Variants in SDCCAG8 observed in about 807,000 individuals in gnomAD.
SDCCAG8 encodes serologically defined colon cancer antigen 8.
A neutral mutation model predicts 101.8 loss-of-function variants in SDCCAG8; 74 were observed. That is an observed-to-expected ratio of 0.73 (90% CI 0.60 to 0.88). SDCCAG8 has a LOEUF of 0.88. Ranked by LOEUF, SDCCAG8 falls within the 40% of genes least tolerant of loss-of-function variation. The probability of loss-of-function intolerance (pLI) is 0.00; values close to 1 mark genes in which losing one functional copy is unlikely to be tolerated. For missense variants in SDCCAG8, 787 were observed against 822.6 expected (o/e 0.96, Z 0.53); for synonymous variants, 281 against 292.9 (o/e 0.96, Z 0.41).
intron 4 of SDCCAG8, among the ~76,000 whole-genome samples, chr1:243,281,770 G>C (rs2069076271): frequency 6.7e-6 from 1 of 150,152 alleles, no homozygotes; most frequent in Non-Finnish European, 1.5e-5. Flanking sequence ...CCTCCCTGCT[G>C]AGTAGCTAGG....
Position 243,474,581 on chromosome 1 carries a change from G to A in SDCCAG8, c.1986-14433G>A, listed in dbSNP as rs1322130867. On this transcript the variant is annotated intron_variant, in intron 16 of 17. Coordinates refer to ENST00000366541, the MANE Select transcript of SDCCAG8 (RefSeq NM_006642.5). The surrounding 1 kb of genome is among the most constrained non-coding windows in gnomAD (Gnocchi z 4.7). ...CGCCTAGGCCACCCTGCCCGGCGAG[G>A]GAGAGGGGTGTCTCCTGCCTGGAGC... 2.0e-5 allele frequency among the ~76,000 whole-genome samples: 3 copies of A among 152,250 alleles called. No homozygotes were observed. In the East Asian group the frequency reaches 5.8e-4, roughly 29 times the overall value.
chr1:243,378,865 T>C lies in SDCCAG8; in HGVS notation c.1616+2T>C, dbSNP rs750445180. On this transcript the variant is annotated splice_donor_variant, in intron 13 of 17. Coordinates refer to ENST00000366541, the MANE Select transcript of SDCCAG8 (RefSeq NM_006642.5). LOFTEE classifies it high-confidence loss of function. ...TGAGCACCAACTGCACCTCACCAGG[T>C]ACTCCCTAATCCCATTATGCGCCAT... is the stretch of plus-strand genomic sequence containing the variant. 1 of 1,614,018 alleles carries C rather than the reference T, an allele frequency of 6.2e-7. No homozygotes were observed.
Position 243,307,878 on chromosome 1 carries a change from C to T in SDCCAG8, c.741-111C>T, listed in dbSNP as rs576819105. On this transcript the variant is annotated intron_variant, in intron 7 of 17. Coordinates refer to ENST00000366541, the MANE Select transcript of SDCCAG8 (RefSeq NM_006642.5). ...ATAAGGTATTGGACGTAAACTAAAGCATAAGGTGAGTACCCATAAACGATA... is the reference window on the plus strand; with the variant it reads ...ATAAGGTATTGGACGTAAACTAAAGTATAAGGTGAGTACCCATAAACGATA... 2.5e-6 allele frequency: 4 copies of T among 1,571,224 alleles called. No homozygotes were observed. The African/African-American group carries it at 4.1e-5, about 16-fold the overall frequency.
At chr1:243,351,966 A>G (rs1029007182) in intron 12 of SDCCAG8, among the ~76,000 whole-genome samples, 1 of 152,238 alleles carries the variant, frequency 6.6e-6, no homozygotes, top group Non-Finnish European at 1.5e-5. Flanking sequence ...GGCATTTAGC[A>G]TTTAGTCACG....
intron 16 of SDCCAG8, among the ~76,000 whole-genome samples, chr1:243,486,622 G>C (rs1458335283): frequency 1.3e-5 from 2 of 152,252 alleles, no homozygotes; most frequent in Non-Finnish European, 2.9e-5. Flanking sequence ...GTGGCCGGCC[G>C]TGACCGGTGT....
chr1:243,374,688 C>G (rs2077491916), intron 12 of SDCCAG8, among the ~76,000 whole-genome samples: 1 of 152,000 alleles, frequency 6.6e-6, no homozygotes, highest in South Asian at 2.1e-4. Flanking sequence ...ATTAAAGCTA[C>G]CTGGAGATTG....
At chr1:243,281,930 A>G (rs148006677) in intron 4 of SDCCAG8, among the ~76,000 whole-genome samples, 2,291 of 152,162 alleles carry the variant, frequency 0.015, 33 homozygotes, top group African/African-American at 0.041. Flanking sequence ...ACGAGGTGTG[A>G]GCCACTGCAC....
intron 4 of SDCCAG8, among the ~76,000 whole-genome samples, chr1:243,280,740 G>A (rs964835885): frequency 1.3e-5 from 2 of 152,070 alleles, no homozygotes; most frequent in African/African-American, 2.4e-5. Context: ...CCCAGCTATC[G>A]TTCTGTTATT....
At chr1:243,422,616 G>GT (rs1390376942) in intron 15 of SDCCAG8, among the ~76,000 whole-genome samples, 3 of 152,126 alleles carry the variant, frequency 2.0e-5, no homozygotes, top group Non-Finnish European at 2.9e-5. Context: ...CGGTTGAACT[G>GT]TTTTTTTCCT....
At chr1:243,498,392 A>C (rs1161073863) in intron 17 of SDCCAG8, among the ~76,000 whole-genome samples, 1 of 152,250 alleles carries the variant, frequency 6.6e-6, no homozygotes, top group East Asian at 1.9e-4. Context: ...TGGGCCCAGG[A>C]AATTGTCCAC....
At chr1:243,284,783 G>T (rs1455863128) in intron 4 of SDCCAG8, among the ~76,000 whole-genome samples, 1 of 152,176 alleles carries the variant, frequency 6.6e-6, no homozygotes, top group Admixed American at 6.5e-5. Context: ...CCTTTAGGTT[G>T]CATAAGGGGA....
chr1:243,370,887 T>C (rs1328211879), intron 12 of SDCCAG8, among the ~76,000 whole-genome samples: 1 of 152,140 alleles, frequency 6.6e-6, no homozygotes, highest in Non-Finnish European at 1.5e-5. Flanking sequence ...AACTGAAAAG[T>C]TCCACAAAAA....
intron 16 of SDCCAG8, among the ~76,000 whole-genome samples, chr1:243,468,791 T>TA (rs1195585261): frequency 5.3e-5 from 8 of 152,378 alleles, no homozygotes; most frequent in Admixed American, 5.2e-4. Context: ...TTGCTATTTT[T>TA]ATTATTGAAT....
chr1:243,332,880 G>A (rs191748824), intron 10 of SDCCAG8, among the ~76,000 whole-genome samples: 1 of 152,074 alleles, frequency 6.6e-6, no homozygotes, highest in East Asian at 1.9e-4. Context: ...GTCTGGAGGT[G>A]ATTATCGTAG....
chr1:243,290,209 C>CG, intron 5 of SDCCAG8, among the ~76,000 whole-genome samples: 4 of 131,496 alleles, frequency 3.0e-5, no homozygotes, highest in African/African-American at 1.1e-4. Context: ...GCTCCCGCCC[C>CG]CCGATCCCCT....
intron 6 of SDCCAG8, among the ~76,000 whole-genome samples, chr1:243,301,114 A>G (rs2636321): frequency 0.46 from 69,531 of 151,972 alleles, 17,354 homozygotes; most frequent in East Asian, 0.74. Context: ...CTGTACACGG[A>G]GTCATTCTCA....
intron 16 of SDCCAG8, among the ~76,000 whole-genome samples, chr1:243,479,020 G>C (rs558458425): frequency 1.1e-4 from 16 of 151,594 alleles, no homozygotes; most frequent in African/African-American, 3.9e-4. Flanking sequence ...GGGCTAGAGC[G>C]TGTTCCGGAA....
intron 1 of SDCCAG8, chr1:243,269,096 G>T (rs948105054): frequency 6.6e-6 from 1 of 152,384 alleles, no homozygotes; most frequent in South Asian, 2.1e-4. Flanking sequence ...CTCCAGCAGG[G>T]TAGTCAGATA....
chr1:243,405,263 C>G (rs927111344), intron 13 of SDCCAG8, among the ~76,000 whole-genome samples: 1 of 152,164 alleles, frequency 6.6e-6, no homozygotes. Context: ...AAAGCCCTTG[C>G]ACTTTTCTGT....
Sources: gnomAD v4.1 joint callset for allele counts (sites outside exome capture counted in the v4.1 genomes callset) on GRCh38, gnomAD v4.1.1 for gene constraint, Gnocchi (gnomAD v3.1) non-coding constraint, MANE v1.5 for transcripts, NCBI Gene and HGNC (gene_info 2026-07-23, HGNC 2026-07-21) for gene names.